SUMF1: variants seen among roughly 807,000 people sequenced by gnomAD.
SUMF1 encodes the protein formylglycine-generating enzyme.
In SUMF1, 48 loss-of-function variants were observed where a neutral mutation model predicts 47.6. The ratio of observed to expected loss-of-function variants is 1.01; its 90% CI spans 0.80 to 1.28. SUMF1 has a LOEUF of 1.28. SUMF1 is among the 50% of genes most tolerant of loss of function. SUMF1 has a pLI of 0.00. For synonymous variants in SUMF1, 230 were observed against 192.1 expected, an observed-to-expected ratio of 1.20 and a Z score of -1.63; for missense variants, 571 against 485.4, an observed-to-expected ratio of 1.18 and a Z score of -1.66.
At chr3:4,104,396 G>A (rs1029656604) in intron 8 of SUMF1, among the ~76,000 whole-genome samples, 1 of 151,978 alleles carries the variant, frequency 6.6e-6, no homozygotes, top group South Asian at 2.1e-4. Context: ...TTTACCAGCA[G>A]CATGAAAACA....
At chr3:4,421,924 A>C (rs1043539839) in intron 3 of SUMF1, among the ~76,000 whole-genome samples, 6 of 152,258 alleles carry the variant, frequency 3.9e-5, no homozygotes, top group African/African-American at 1.2e-4. Context: ...GTCCCTGCTA[A>C]CAATTACAGC....
At chr3:4,446,853 A>G (rs1702798123) in intron 3 of SUMF1, among the ~76,000 whole-genome samples, 1 of 152,220 alleles carries the variant, frequency 6.6e-6, no homozygotes, top group Non-Finnish European at 1.5e-5. Flanking sequence ...GGTAAGGGGA[A>G]GCAACACAAT....
intron 8 of SUMF1, among the ~76,000 whole-genome samples, chr3:4,213,624 G>C (rs1448924785): frequency 1.3e-5 from 2 of 152,100 alleles, no homozygotes; most frequent in African/African-American, 4.8e-5. Flanking sequence ...TGGCAAATTG[G>C]ATAGAGTCAA....
chr3:4,414,233 G>T (rs1351376523), intron 6 of SUMF1, among the ~76,000 whole-genome samples: 1 of 152,156 alleles, frequency 6.6e-6, no homozygotes, highest in East Asian at 1.9e-4. Context: ...TGGAAGGCTG[G>T]GGTGGAAAAA....
intron 8 of SUMF1, among the ~76,000 whole-genome samples, chr3:4,143,194 A>G (rs959385434): frequency 2.0e-5 from 3 of 152,180 alleles, no homozygotes; most frequent in Non-Finnish European, 4.4e-5. Context: ...CAACATCTAC[A>G]TTTACACAGT....
At chr3:4,203,683 T>C (rs529568746) in intron 8 of SUMF1, among the ~76,000 whole-genome samples, 1 of 152,108 alleles carries the variant, frequency 6.6e-6, no homozygotes, top group South Asian at 2.1e-4. Flanking sequence ...TTTCTTCCTG[T>C]CTTCCTTTTT....
intron 1 of SUMF1, among the ~76,000 whole-genome samples, chr3:4,454,379 T>C (rs911419256): frequency 4.6e-5 from 7 of 152,188 alleles, no homozygotes; most frequent in Non-Finnish European, 8.8e-5. Flanking sequence ...AAAACTATAA[T>C]GAGGTTCCAC....
chr3:4,412,181 G>C (rs1445720569), intron 6 of SUMF1, among the ~76,000 whole-genome samples: 1 of 152,204 alleles, frequency 6.6e-6, no homozygotes, highest in Non-Finnish European at 1.5e-5. Flanking sequence ...TCCATGCACA[G>C]TGACTAAAGA....
chr3:4,039,628 G>A (rs1041746968), intron 9 of SUMF1, among the ~76,000 whole-genome samples: 3 of 147,854 alleles, frequency 2.0e-5, no homozygotes, highest in African/African-American at 8.0e-5. Context: ...ATCATTGTTG[G>A]ACATTTGGGT....
intron 7 of SUMF1, among the ~76,000 whole-genome samples, chr3:4,409,818 C>A (rs1701486854): frequency 6.6e-6 from 1 of 152,192 alleles, no homozygotes; most frequent in Admixed American, 6.5e-5. Context: ...TATTCATGAG[C>A]AGCCCATGTG....
intron 8 of SUMF1, among the ~76,000 whole-genome samples, chr3:4,165,242 C>T (rs949643500): frequency 5.3e-5 from 8 of 152,118 alleles, no homozygotes; most frequent in South Asian, 2.1e-4. Context: ...CAAGTGAAGT[C>T]GAAGATTTGC....
chr3:4,307,367 G>A (rs980405118), intron 8 of SUMF1, among the ~76,000 whole-genome samples: 32 of 152,204 alleles, frequency 2.1e-4, no homozygotes, highest in Middle Eastern at 3.4e-3. Context: ...TGCCACACTC[G>A]AAACCTCATA....
intron 8 of SUMF1, among the ~76,000 whole-genome samples, chr3:4,218,228 C>A (rs1268358287): frequency 2.0e-5 from 3 of 151,978 alleles, no homozygotes; most frequent in African/African-American, 7.3e-5. Flanking sequence ...ACCTTGACCT[C>A]ATGCTTCTAG....
chr3:4,180,259 G>A (rs1695064178), intron 8 of SUMF1, among the ~76,000 whole-genome samples: 2 of 152,120 alleles, frequency 1.3e-5, no homozygotes, highest in African/African-American at 4.8e-5. Context: ...GTTTATTGCG[G>A]CACTATTCAC....
At chr3:4,175,873 C>T (rs182808945) in intron 8 of SUMF1, among the ~76,000 whole-genome samples, 3 of 152,106 alleles carry the variant, frequency 2.0e-5, no homozygotes, top group South Asian at 2.1e-4. Flanking sequence ...AACCATGGCA[C>T]GAGAACTTCA....
chr3:4,136,222 A>G (rs1023597873), intron 8 of SUMF1, among the ~76,000 whole-genome samples: 41 of 152,298 alleles, frequency 2.7e-4, no homozygotes, highest in African/African-American at 8.7e-4. Context: ...CTGACTTCAT[A>G]CTATACTACA....
intron 8 of SUMF1, chr3:4,314,159 C>G (rs193116536): frequency 1.7e-5 from 4 of 235,878 alleles, no homozygotes; most frequent in African/African-American, 9.0e-5. Context: ...ATAGAAAAAT[C>G]AACAAGGTTA....
At chr3:4,116,910 A>T (rs570064750) in intron 8 of SUMF1, among the ~76,000 whole-genome samples, 16 of 152,148 alleles carry the variant, frequency 1.1e-4, no homozygotes, top group Non-Finnish European at 1.5e-4. Context: ...ATTGCAAAAA[A>T]CAAAGGAAAT....
At position 4,148,411 on chromosome 3, in the gene SUMF1, C is replaced by T. The variant is rs1407000164; in HGVS notation, c.1015-79666G>A. ...AATAGTAATCTTCTGGGTCAAAGTG[C>T]TTAGGCAGATGAGCTATTTCCTCAG... On this transcript the variant is annotated intron_variant and NMD_transcript_variant, in intron 8 of 12. Transcript: ENST00000448413. Among the ~76,000 whole-genome samples, 4 of 152,098 alleles carry T rather than the reference C, an allele frequency of 2.6e-5. No individual in the cohort carries two copies. The East Asian group carries it at 7.7e-4, about 29-fold the overall frequency.
Sources: gnomAD v4.1 joint callset for allele counts (sites outside exome capture counted in the v4.1 genomes callset) on GRCh38, gnomAD v4.1.1 for gene constraint, MANE v1.5 for transcripts, NCBI Gene and HGNC (gene_info 2026-07-23, HGNC 2026-07-21) for gene names.